Variants in SMYD3 observed in about 807,000 individuals in gnomAD.
The protein encoded by SMYD3 is histone-lysine N-methyltransferase SMYD3.
A neutral mutation model predicts 57.7 loss-of-function variants in SMYD3; 36 were observed. The observed-to-expected ratio is 0.62, with a 90% CI of 0.48 to 0.82. SMYD3 has a LOEUF of 0.82. Ranked by LOEUF, SMYD3 falls within the 40% of genes least tolerant of loss-of-function variation. The pLI, the probability that SMYD3 is intolerant of heterozygous loss-of-function variation, is 0.00. For synonymous variants in SMYD3, 211 were observed against 195.0 expected (o/e 1.08, Z -0.68); for missense variants, 515 against 538.8 (o/e 0.96, Z 0.44).
At chr1:246,101,071 GTTTTTTTTTT>G (rs754724096) in intron 5 of SMYD3, among the ~76,000 whole-genome samples, 1 of 54,072 alleles carries the variant, frequency 1.8e-5, no homozygotes, top group Admixed American at 2.5e-4. Context: ...GGGGTTTTTT[GTTTTTTTTTT>G]TTTTTTTTTT....
At chr1:246,505,300 G>C (rs1295120437) in intron 1 of SMYD3, among the ~76,000 whole-genome samples, 1 of 44,686 alleles carries the variant, frequency 2.2e-5, no homozygotes, top group Non-Finnish European at 5.0e-5. Flanking sequence ...CCTCCCTCGC[G>C]CTAGGGGTGC....
chr1:245,829,071 C>A (rs2049681164), intron 10 of SMYD3, among the ~76,000 whole-genome samples: 1 of 130,738 alleles, frequency 7.6e-6, no homozygotes, highest in African/African-American at 2.9e-5. Context: ...CTTAGCCTGG[C>A]TTTTTTTTTT....
At chr1:246,135,900 C>T (rs542085048) in intron 5 of SMYD3, among the ~76,000 whole-genome samples, 31 of 152,160 alleles carry the variant, frequency 2.0e-4, no homozygotes, top group African/African-American at 7.2e-4. Context: ...TTTTTAAAGG[C>T]CTCTAGGATT....
intron 10 of SMYD3, among the ~76,000 whole-genome samples, chr1:245,843,191 G>C (rs2050487899): frequency 6.6e-6 from 1 of 152,142 alleles, no homozygotes; most frequent in African/African-American, 2.4e-5. Flanking sequence ...AGTGAGGGCT[G>C]GTAGGGAAGA....
chr1:246,278,524 G>C (rs79220954), intron 5 of SMYD3, among the ~76,000 whole-genome samples: 2,110 of 152,264 alleles, frequency 0.014, 57 homozygotes, highest in East Asian at 0.069. Flanking sequence ...ACCTGAGAAG[G>C]AACTGTGGGT....
At chr1:246,009,403 T>G (rs1489288342) in intron 5 of SMYD3, among the ~76,000 whole-genome samples, 1 of 152,246 alleles carries the variant, frequency 6.6e-6, no homozygotes, top group Non-Finnish European at 1.5e-5. Flanking sequence ...ATCCTAACTT[T>G]AATGCATTTT....
chr1:246,199,366 T>C (rs1192088752), intron 5 of SMYD3, among the ~76,000 whole-genome samples: 1 of 152,202 alleles, frequency 6.6e-6, no homozygotes, highest in Non-Finnish European at 1.5e-5. Context: ...ACTCAGCACC[T>C]CACACTGGAT....
In SMYD3 at chr1:246,397,299, G is replaced by C. The variant is rs140898915; in HGVS notation, c.165-42205C>G. 5.9e-5 allele frequency among the ~76,000 whole-genome samples: 9 copies of C among 152,228 alleles called. No homozygotes were observed. The East Asian group carries it at 1.7e-3, about 29-fold the overall frequency. On this transcript the variant is annotated intron_variant, in intron 1 of 11. Transcript: ENST00000490107. ...ATCTAATAATAAATGTAATGTGCTT[G>C]AATCATCCCAAAGCCATCCCCTGTC...
intron 5 of SMYD3, among the ~76,000 whole-genome samples, chr1:246,056,755 T>C (rs2060158827): frequency 6.7e-6 from 1 of 149,920 alleles, no homozygotes; most frequent in Non-Finnish European, 1.5e-5. Flanking sequence ...AGCCCATAAA[T>C]ACATGTAAAC....
At chr1:246,126,078 G>C (rs1456365947) in intron 5 of SMYD3, among the ~76,000 whole-genome samples, 1 of 152,164 alleles carries the variant, frequency 6.6e-6, no homozygotes, top group African/African-American at 2.4e-5. Flanking sequence ...AATAATTCCA[G>C]AGCACTAAGA....
intron 5 of SMYD3, among the ~76,000 whole-genome samples, chr1:246,159,642 A>G (rs1558277318): frequency 6.6e-6 from 1 of 152,184 alleles, no homozygotes; most frequent in Non-Finnish European, 1.5e-5. Context: ...TGTCTGCTGA[A>G]GCATCCTAGG....
intron 10 of SMYD3, among the ~76,000 whole-genome samples, chr1:245,806,816 A>G (rs561179972): frequency 5.5e-5 from 8 of 146,038 alleles, no homozygotes; most frequent in South Asian, 2.3e-4. Flanking sequence ...AGGCTGAGGC[A>G]GGAGAATGGC....
chr1:245,934,613 C>T (rs1052378881), intron 5 of SMYD3, among the ~76,000 whole-genome samples: 5 of 152,068 alleles, frequency 3.3e-5, no homozygotes, highest in African/African-American at 7.2e-5. Context: ...ACCAGAACAG[C>T]GGGAGGGGAC....
intron 5 of SMYD3, among the ~76,000 whole-genome samples, chr1:246,158,567 C>CT (rs1408640405): frequency 6.6e-6 from 1 of 152,022 alleles, no homozygotes; most frequent in African/African-American, 2.4e-5. Context: ...TATATTTACT[C>CT]TTTTTTATAA....
At chr1:245,769,729 G>A (rs1444857826) in intron 10 of SMYD3, among the ~76,000 whole-genome samples, 1 of 152,178 alleles carries the variant, frequency 6.6e-6, no homozygotes, top group Non-Finnish European at 1.5e-5. Flanking sequence ...CAAAACTGAG[G>A]TACGTATGAA....
At chr1:246,375,730 T>C (rs2066265309) in intron 1 of SMYD3, among the ~76,000 whole-genome samples, 1 of 152,086 alleles carries the variant, frequency 6.6e-6, no homozygotes, top group South Asian at 2.1e-4. Flanking sequence ...TTATTGTTGT[T>C]GTTTTTGTTT....
chr1:246,032,342 A>G (rs2059692017), intron 5 of SMYD3, among the ~76,000 whole-genome samples: 1 of 152,136 alleles, frequency 6.6e-6, no homozygotes, highest in Non-Finnish European at 1.5e-5. Context: ...AGGTCACCTA[A>G]CACCTGGGAA....
At chr1:245,815,460 G>A (rs1227796975) in intron 10 of SMYD3, among the ~76,000 whole-genome samples, 1 of 152,190 alleles carries the variant, frequency 6.6e-6, no homozygotes, top group African/African-American at 2.4e-5. Flanking sequence ...CAGAATAGCT[G>A]GGGAGCTAAT....
At chr1:246,137,224 T>A (rs975946471) in intron 5 of SMYD3, among the ~76,000 whole-genome samples, 2 of 152,186 alleles carry the variant, frequency 1.3e-5, no homozygotes, top group African/African-American at 4.8e-5. Flanking sequence ...GAATATTTCA[T>A]CACTCCATAA....
Sources: allele counts gnomAD v4.1 joint callset (sites outside exome capture counted in the v4.1 genomes callset), GRCh38; gene constraint gnomAD v4.1.1; transcripts MANE v1.5; gene names NCBI Gene and HGNC (gene_info 2026-07-23, HGNC 2026-07-21).